The following CDH18 variants were observed in gnomAD, a reference collection of about 807,000 sequenced individuals.
CDH18 encodes cadherin-18.
In CDH18, 31 loss-of-function variants were observed where a neutral mutation model predicts 67.9. That is an observed-to-expected ratio of 0.46 (90% CI 0.34 to 0.62). The LOEUF (loss-of-function observed/expected upper bound fraction) is 0.62. Ranked by LOEUF, CDH18 falls within the 20% of genes least tolerant of loss-of-function variation. CDH18 has a pLI of 0.01. For missense variants in CDH18, 890 were observed against 975.5 expected (o/e 0.91, Z 1.17); for synonymous variants, 362 against 347.2 (o/e 1.04, Z -0.48).
intron 5 of CDH18, among the ~76,000 whole-genome samples, chr5:19,691,287 T>C (rs942499070): frequency 2.6e-5 from 4 of 151,826 alleles, no homozygotes; most frequent in Non-Finnish European, 5.9e-5. Flanking sequence ...GCTAACATTA[T>C]ACTGAATGGA....
intron 1 of CDH18, among the ~76,000 whole-genome samples, chr5:20,565,543 C>G (rs1473016276): frequency 6.6e-6 from 1 of 152,026 alleles, no homozygotes; most frequent in Non-Finnish European, 1.5e-5. Flanking sequence ...AACTTGACTG[C>G]TGTGGAGGGC....
intron 6 of CDH18, among the ~76,000 whole-genome samples, chr5:19,605,066 C>G (rs1747813918): frequency 6.6e-6 from 1 of 151,840 alleles, no homozygotes; most frequent in Admixed American, 6.6e-5. Context: ...TTACCATAAA[C>G]ATACCTACCT....
chr5:19,854,761 ATTTAT>A (rs1276389491), intron 2 of CDH18, among the ~76,000 whole-genome samples: 2 of 151,828 alleles, frequency 1.3e-5, no homozygotes, highest in African/African-American at 2.4e-5. Context: ...ATTTTTATTT[ATTTAT>A]TTTAACTTTT....
At chr5:20,004,220 T>G (rs1163585904) in intron 2 of CDH18, among the ~76,000 whole-genome samples, 1 of 152,174 alleles carries the variant, frequency 6.6e-6, no homozygotes, top group Non-Finnish European at 1.5e-5. Context: ...CAAGCCACTT[T>G]CTTTTCTTAC....
chr5:20,443,006 G>C (rs1476237622), intron 1 of CDH18, among the ~76,000 whole-genome samples: 5 of 150,952 alleles, frequency 3.3e-5, no homozygotes, highest in Admixed American at 2.6e-4. Context: ...TCAGGAGATC[G>C]AGACCATCCC....
At chr5:20,492,647 G>A (rs911354526) in intron 1 of CDH18, among the ~76,000 whole-genome samples, 1 of 152,038 alleles carries the variant, frequency 6.6e-6, no homozygotes, top group African/African-American at 2.4e-5. Context: ...TAAGTAAATG[G>A]TATAATAAGA....
intron 1 of CDH18, among the ~76,000 whole-genome samples, chr5:20,566,169 G>C (rs1758490961): frequency 6.6e-6 from 1 of 151,980 alleles, no homozygotes; most frequent in Admixed American, 6.6e-5. Flanking sequence ...CTTTTGCAGG[G>C]CAAGTACCTC....
At position 19,483,556 on chromosome 5, in the gene CDH18, T is replaced by C. The variant is rs375859994; in HGVS notation, c.1631-4A>G. The stretch of plus-strand genomic sequence containing the variant: ...GTCAGAATGCTGGCTGTGTTATCTA[T>C]GATAGACATAAGCAAAACAAAATAC... On this transcript the variant is annotated splice_region_variant and splice_polypyrimidine_tract_variant and intron_variant, in intron 11 of 12. Transcript: ENST00000382275. 1.9e-6 allele frequency: 3 copies of C among 1,601,138 alleles called. No individual in the cohort carries two copies. The highest frequency in any genetic ancestry group is 2.7e-5 in the African/African-American group (2 of 74,626).
At position 19,640,327 on chromosome 5, in the gene CDH18, A is replaced by G. The variant is rs1466816131; in HGVS notation, c.644-27726T>C. Reference sequence around the variant, plus strand: ...AGCATCAAATTCTGATTACAAGGGTATTATATGTGGGTGAGGAGTAAGTGT... The same window carrying G: ...AGCATCAAATTCTGATTACAAGGGTGTTATATGTGGGTGAGGAGTAAGTGT... On this transcript the variant is annotated intron_variant, in intron 5 of 12. Transcript: ENST00000382275. 2.0e-5 allele frequency among the ~76,000 whole-genome samples: 3 copies of G among 152,306 alleles called. No individual in the cohort carries two copies. The East Asian group carries it at 5.8e-4, about 29-fold the overall frequency.
chr5:19,748,960 G>A (rs1294711222), intron 3 of CDH18, among the ~76,000 whole-genome samples: 1 of 151,984 alleles, frequency 6.6e-6, no homozygotes. Flanking sequence ...TTATAAAAAT[G>A]AGCAAAAATA....
intron 1 of CDH18, among the ~76,000 whole-genome samples, chr5:20,257,043 T>C (rs752002433): frequency 3.3e-5 from 5 of 151,954 alleles, no homozygotes. Flanking sequence ...AGGGCAAAAC[T>C]TTCAGATTCT....
chr5:20,346,736 G>T (rs76582167), intron 1 of CDH18, among the ~76,000 whole-genome samples: 286 of 152,220 alleles, frequency 1.9e-3, no homozygotes, highest in Non-Finnish European at 3.4e-3. Context: ...ACGAGGAGTA[G>T]GTCTTATAGC....
intron 2 of CDH18, among the ~76,000 whole-genome samples, chr5:20,055,893 G>A (rs1476028236): frequency 2.6e-5 from 4 of 151,162 alleles, no homozygotes; most frequent in Admixed American, 2.6e-4. Context: ...ATGAGCAATA[G>A]CTACTGCTGT....
chr5:19,677,707 G>C (rs572077870), intron 5 of CDH18, among the ~76,000 whole-genome samples: 1 of 151,878 alleles, frequency 6.6e-6, no homozygotes, highest in East Asian at 1.9e-4. Flanking sequence ...AAAAAAAAAG[G>C]AGACAGAAAA....
chr5:20,100,979 G>C (rs893114475), intron 2 of CDH18, among the ~76,000 whole-genome samples: 1 of 151,854 alleles, frequency 6.6e-6, no homozygotes, highest in Non-Finnish European at 1.5e-5. Context: ...CTAAGACAGG[G>C]TCTCACTCCA....
In CDH18 at chr5:19,579,897, CA is replaced by C. The variant is rs1337376757; in HGVS notation, c.1000-8066del. Among the ~76,000 whole-genome samples the C allele has an allele frequency of 3.3e-5, 5 of 150,258 alleles. No individual in the cohort carries two copies. The East Asian group carries it at 9.7e-4, about 29-fold the overall frequency. ...CTTCCCAATAAAATATCCTTCAATCCACCCCCCCCAAAGAAATATAATTATT... is the reference window on the plus strand; with the variant it reads ...CTTCCCAATAAAATATCCTTCAATCCCCCCCCCCAAAGAAATATAATTATT... On this transcript the variant is annotated intron_variant, in intron 7 of 12. Coordinates refer to ENST00000382275, the MANE Select transcript of CDH18 (RefSeq NM_004934.5).
At chr5:20,460,536 A>ACACCATT (rs1751189651) in intron 1 of CDH18, among the ~76,000 whole-genome samples, 1 of 152,132 alleles carries the variant, frequency 6.6e-6, no homozygotes, top group Non-Finnish European at 1.5e-5. Context: ...TTGGTTGTGC[A>ACACCATT]CACCATTCTA....
chr5:19,978,238 A>T (rs910777487), intron 2 of CDH18, among the ~76,000 whole-genome samples: 2 of 152,112 alleles, frequency 1.3e-5, no homozygotes, highest in Non-Finnish European at 2.9e-5. Flanking sequence ...TTCATTAGGG[A>T]GGATAAATTA....
At chr5:19,638,977 GTT>G (rs34631530) in intron 5 of CDH18, among the ~76,000 whole-genome samples, 114 of 54,690 alleles carry the variant, frequency 2.1e-3, no homozygotes, top group Admixed American at 6.1e-3. Flanking sequence ...TTTTGTTGCT[GTT>G]TTTTTTTTTT....
Sources: gnomAD v4.1 joint callset for allele counts (sites outside exome capture counted in the v4.1 genomes callset) on GRCh38, gnomAD v4.1.1 for gene constraint, MANE v1.5 for transcripts, NCBI Gene and HGNC (gene_info 2026-07-23, HGNC 2026-07-21) for gene names.